Variants in PIK3C2G observed in about 807,000 individuals in gnomAD.
PIK3C2G encodes phosphatidylinositol-4-phosphate 3-kinase catalytic subunit type 2 gamma, also known as phosphatidylinositol 3-kinase C2 domain-containing subunit gamma.
Under a neutral mutation model 181.1 loss-of-function variants are expected in PIK3C2G, and 168 were observed. That is an observed-to-expected ratio of 0.93 (90% CI 0.82 to 1.05). The LOEUF is 1.05. Ranked by LOEUF, PIK3C2G falls within the 50% of genes least tolerant of loss-of-function variation. The pLI, the probability that PIK3C2G is intolerant of heterozygous loss-of-function variation, is 0.00. For missense variants in PIK3C2G, 1,869 were observed against 1,732.8 expected (o/e 1.08, Z -1.40); for synonymous variants, 573 against 592.2 (o/e 0.97, Z 0.47).
the PIK3C2G span, chr12:18,719,466 T>C: frequency 1.9e-6 from 3 of 1,559,740 alleles, no homozygotes; most frequent in Non-Finnish European, 2.6e-6. Flanking sequence ...GTCCCAATAA[T>C]TGATCAGATA....
intron 31 of PIK3C2G, among the ~76,000 whole-genome samples, chr12:18,625,069 G>A (rs765076300): frequency 2.0e-5 from 3 of 151,246 alleles, no homozygotes; most frequent in Admixed American, 6.6e-5. Flanking sequence ...CTAACATTGG[G>A]CTTAATTTGT....
chr12:18,567,663 T>C (rs1285464178), intron 29 of PIK3C2G, among the ~76,000 whole-genome samples: 2 of 151,812 alleles, frequency 1.3e-5, no homozygotes, highest in African/African-American at 4.8e-5. Context: ...AGCCGAGCCT[T>C]TAACACTGAG....
At chr12:18,466,478 T>C (rs189001681) in intron 18 of PIK3C2G, among the ~76,000 whole-genome samples, 16 of 152,036 alleles carry the variant, frequency 1.1e-4, no homozygotes, top group African/African-American at 2.9e-4. Context: ...TCCTTATTTG[T>C]AGAACCCTTT....
At chr12:18,448,596 T>C (rs1180616235) in intron 18 of PIK3C2G, among the ~76,000 whole-genome samples, 1 of 152,132 alleles carries the variant, frequency 6.6e-6, no homozygotes, top group Non-Finnish European at 1.5e-5. Context: ...TGTGTTGGAC[T>C]TTCTTTTAGA....
At chr12:18,284,911 T>C (rs1949377658) in intron 2 of PIK3C2G, among the ~76,000 whole-genome samples, 1 of 152,072 alleles carries the variant, frequency 6.6e-6, no homozygotes, top group Non-Finnish European at 1.5e-5. Context: ...TGTGGACAAC[T>C]GGAATGCTAA....
intron 24 of PIK3C2G, among the ~76,000 whole-genome samples, chr12:18,530,611 T>G (rs1265890266): frequency 6.6e-6 from 1 of 152,176 alleles, no homozygotes; most frequent in Non-Finnish European, 1.5e-5. Flanking sequence ...TGGCTCTGCG[T>G]GCCCACCCAA....
upstream of PIK3C2G, among the ~76,000 whole-genome samples, chr12:18,243,657 G>A (rs1449175375): frequency 2.0e-5 from 3 of 151,900 alleles, no homozygotes; most frequent in Non-Finnish European, 2.9e-5. Context: ...CATCAATTTA[G>A]ATTTCTTTTT....
rs182719001 is a variant in PIK3C2G at position 18,254,720 on chromosome 12, G to A, written c.-79+6638G>A. Among the ~76,000 whole-genome samples, 322 of 151,900 alleles carry A rather than the reference G, an allele frequency of 2.1e-3. 1 individual carries two copies. Among genetic ancestry groups the A allele is most frequent in the African/African-American group, 7.2e-3 (300 of 41,448 alleles). On this transcript the variant is annotated intron_variant, in intron 1 of 11. Coordinates refer to the PIK3C2G transcript ENST00000535651. ...TAGCTGGGCATGGTGGCATGTGCCT[G>A]TAGTTCCAGCTACTCCAGCTACTCG...
chr12:18,505,367 A>T lies in PIK3C2G; in HGVS notation c.3229A>T (p.Asn1077Tyr), dbSNP rs556742479. The stretch of plus-strand genomic sequence containing the variant: ...CATCCTGGGAGTATGTGACCGTCAC[A>T]ATGATAATATCATGCTGACAAAGTC... Reference protein sequence around the residue: ...TFILGVCDRHNDNIMLTKSGH... With the variant: ...TFILGVCDRHYDNIMLTKSGH... Residue 1077 changes from asparagine to tyrosine, a missense_variant, in exon 24 of 33, where the codon AAT becomes TAT. Physicochemically the swap from Asn to Tyr is moderately radical, Grantham distance 143. Coordinates refer to ENST00000538779, the MANE Select transcript of PIK3C2G (RefSeq NM_001288772.2). The T allele has an allele frequency of 1.2e-6, 2 of 1,613,420 alleles. No homozygotes were observed. The highest frequency in any genetic ancestry group is 2.2e-5 in the South Asian group (2 of 90,898).
intron 9 of PIK3C2G, 131 bp from the exon 10 acceptor site, chr12:18,343,196 T>C (rs138653172): frequency 1.6e-6 from 1 of 609,746 alleles, no homozygotes; most frequent in Non-Finnish European, 3.0e-6. Flanking sequence ...AATTGATATA[T>C]GATGCCAAGA....
intron 30 of PIK3C2G, among the ~76,000 whole-genome samples, chr12:18,599,496 T>G (rs1339524804): frequency 8.1e-4 from 119 of 146,082 alleles, no homozygotes; most frequent in Non-Finnish European, 1.5e-3. Context: ...TGGGGACTGT[T>G]GTGGGGTAGG....
At chr12:18,626,667 GA>G (rs1949112524) in intron 31 of PIK3C2G, among the ~76,000 whole-genome samples, 1 of 151,972 alleles carries the variant, frequency 6.6e-6, no homozygotes, top group African/African-American at 2.4e-5. Context: ...TTGAAAGACA[GA>G]TTTTCTGGGT....
At chr12:18,656,502 T>G in the PIK3C2G span, among the ~76,000 whole-genome samples, 1 of 151,848 alleles carries the variant, frequency 6.6e-6, no homozygotes, top group Non-Finnish European at 1.5e-5. Context: ...GAGAAGGAGG[T>G]TGCAGTGAGA....
At chr12:18,665,443 T>C in the PIK3C2G span, among the ~76,000 whole-genome samples, 1 of 152,266 alleles carries the variant, frequency 6.6e-6, no homozygotes, top group South Asian at 2.1e-4. Flanking sequence ...TGGTAATGTA[T>C]TTTAGGTTTG....
At chr12:18,345,974 T>C (rs1939633034) in intron 10 of PIK3C2G, among the ~76,000 whole-genome samples, 1 of 152,204 alleles carries the variant, frequency 6.6e-6, no homozygotes, top group African/African-American at 2.4e-5. Flanking sequence ...TATTAGCTCC[T>C]ATAACTAGTA....
intron 29 of PIK3C2G, among the ~76,000 whole-genome samples, chr12:18,592,826 G>C (rs1947155248): frequency 6.6e-6 from 1 of 151,880 alleles, no homozygotes; most frequent in Non-Finnish European, 1.5e-5. Context: ...TCTTCTACAA[G>C]GTTCCTGAGG....
chr12:18,622,871 G>T (rs1226001549), intron 31 of PIK3C2G, among the ~76,000 whole-genome samples: 1 of 151,280 alleles, frequency 6.6e-6, no homozygotes. Context: ...TGTCTATCTG[G>T]GTTTCTTGAC....
intron 31 of PIK3C2G, among the ~76,000 whole-genome samples, chr12:18,611,050 C>T (rs1948305828): frequency 6.6e-6 from 1 of 152,052 alleles, no homozygotes; most frequent in South Asian, 2.1e-4. Context: ...CCTAGTCATC[C>T]ATTTCATTCA....
At chr12:18,244,947 T>C (rs1948024104), upstream of PIK3C2G, among the ~76,000 whole-genome samples, 1 of 152,114 alleles carries the variant, frequency 6.6e-6, no homozygotes, top group African/African-American at 2.4e-5. Context: ...TTATAATTCT[T>C]TTGGGTGGCT....
Sources: gnomAD v4.1 joint callset for allele counts (sites outside exome capture counted in the v4.1 genomes callset) on GRCh38, gnomAD v4.1.1 for gene constraint, MANE v1.5 for transcripts, NCBI Gene and HGNC (gene_info 2026-07-23, HGNC 2026-07-21) for gene names.